DLG2: variants seen among roughly 807,000 people sequenced by gnomAD.
DLG2 encodes the protein disks large homolog 2.
A neutral mutation model predicts 132.5 loss-of-function variants in DLG2; 45 were observed. That is an observed-to-expected ratio of 0.34 (90% CI 0.27 to 0.44). DLG2 has a LOEUF of 0.44. Ranked by LOEUF, DLG2 falls within the 20% of genes least tolerant of loss-of-function variation. The pLI, the probability that DLG2 is intolerant of heterozygous loss-of-function variation, is 1.00. For synonymous variants in DLG2, 424 were observed against 419.6 expected, an observed-to-expected ratio of 1.01 and a Z score of -0.13; for missense variants, 1,045 against 1,196.9, an observed-to-expected ratio of 0.87 and a Z score of 1.87.
chr11:84,391,795 TAAA>T (rs200512404), intron 7 of DLG2, among the ~76,000 whole-genome samples: 3 of 140,904 alleles, frequency 2.1e-5, no homozygotes, highest in African/African-American at 2.6e-5. Flanking sequence ...CTGTTAATGT[TAAA>T]AAAAAAAAAA....
chr11:83,600,699 T>G (rs1387071731), intron 19 of DLG2, among the ~76,000 whole-genome samples: 3 of 152,202 alleles, frequency 2.0e-5, no homozygotes, highest in Non-Finnish European at 4.4e-5. Context: ...GCAATGACTA[T>G]CTCTGAAAAC....
At chr11:83,479,336 C>T (rs113722775) in intron 22 of DLG2, among the ~76,000 whole-genome samples, 2,357 of 151,596 alleles carry the variant, frequency 0.016, 55 homozygotes, top group African/African-American at 0.054. Context: ...GGCCTTCCAC[C>T]TCAAAAAGGC....
intron 11 of DLG2, among the ~76,000 whole-genome samples, chr11:84,003,153 A>G (rs2094433196): frequency 6.6e-6 from 1 of 152,120 alleles, no homozygotes; most frequent in Non-Finnish European, 1.5e-5. Flanking sequence ...CCAGTTCCCA[A>G]TAAGTTCTTC....
At chr11:84,471,085 T>C (rs2099107239) in intron 7 of DLG2, among the ~76,000 whole-genome samples, 1 of 151,696 alleles carries the variant, frequency 6.6e-6, no homozygotes, top group South Asian at 2.1e-4. Flanking sequence ...TCTTGGTCTA[T>C]TTCTCTTCAC....
intron 3 of DLG2, among the ~76,000 whole-genome samples, chr11:85,384,070 T>C (rs946744528): frequency 1.3e-5 from 2 of 152,224 alleles, no homozygotes; most frequent in Non-Finnish European, 2.9e-5. Flanking sequence ...CTAGGATACT[T>C]TTTATTGAAT....
chr11:84,083,178 G>T (rs2096927981), intron 10 of DLG2, among the ~76,000 whole-genome samples: 2 of 152,188 alleles, frequency 1.3e-5, no homozygotes, highest in Non-Finnish European at 1.5e-5. Flanking sequence ...TACTCGGGAG[G>T]CTGAGGCAGG....
chr11:85,465,050 G>A lies in DLG2; in HGVS notation c.40+133607C>T, dbSNP rs567534346. Among the ~76,000 whole-genome samples the A allele has an allele frequency of 1.9e-5, 2 of 106,438 alleles. 1 individual carries two copies. Among genetic ancestry groups the A allele is most frequent in the South Asian group, 6.8e-4 (2 of 2,946 alleles). The allele number at this position is 106,438 out of a possible 152,430, so 69.8% of individuals were successfully genotyped here. On this transcript the variant is annotated intron_variant, in intron 3 of 27. Transcript: ENST00000376104. ...GATTGTGCCACTGTACTCCAGCACG[G>A]GCAACAGTGCAGAACTCTGCCTCAA...
At chr11:85,072,440 C>T (rs2065995085) in intron 6 of DLG2, among the ~76,000 whole-genome samples, 1 of 151,836 alleles carries the variant, frequency 6.6e-6, no homozygotes, top group African/African-American at 2.4e-5. Flanking sequence ...AACAAACATT[C>T]TAGGTGATCC....
chr11:84,072,788 T>C (rs1236206140), intron 10 of DLG2, among the ~76,000 whole-genome samples: 1 of 152,152 alleles, frequency 6.6e-6, no homozygotes, highest in Non-Finnish European at 1.5e-5. Context: ...CTTGATTAGA[T>C]TTGGTAGGTG....
chr11:84,945,625 G>A (rs1339651462), intron 6 of DLG2, among the ~76,000 whole-genome samples: 2 of 152,166 alleles, frequency 1.3e-5, no homozygotes, highest in Non-Finnish European at 1.5e-5. Flanking sequence ...AATCCAGCTA[G>A]GCTTATGGCC....
intron 7 of DLG2, among the ~76,000 whole-genome samples, chr11:84,436,794 A>G (rs1378131544): frequency 6.6e-6 from 1 of 152,204 alleles, no homozygotes; most frequent in Non-Finnish European, 1.5e-5. Context: ...ATGCAAATCT[A>G]TTCTTTAAAT....
intron 6 of DLG2, among the ~76,000 whole-genome samples, chr11:84,855,793 CA>C (rs1254820224): frequency 6.6e-6 from 1 of 151,978 alleles, no homozygotes; most frequent in Non-Finnish European, 1.5e-5. Context: ...AAAGAAATGA[CA>C]AAATTCTGAA....
intron 6 of DLG2, among the ~76,000 whole-genome samples, chr11:84,855,761 T>C (rs1241929228): frequency 6.6e-6 from 1 of 152,042 alleles, no homozygotes; most frequent in Non-Finnish European, 1.5e-5. Flanking sequence ...TCTGAATAAA[T>C]TTTCCTTTCA....
Position 84,251,301 on chromosome 11 carries a change from G to A in DLG2, c.520-10C>T. 2.6e-6 allele frequency: 4 copies of A among 1,562,372 alleles called. No homozygotes were observed. Among genetic ancestry groups the A allele is most frequent in the African/African-American group, 1.4e-5 (1 of 71,808 alleles). ...TAGGAGCAGGACTGGCCTGAAAAAAGAAATAGAAAAAAAATTAAATAATGA... is the reference window on the plus strand; with the variant it reads ...TAGGAGCAGGACTGGCCTGAAAAAAAAAATAGAAAAAAAATTAAATAATGA... On this transcript the variant is annotated splice_polypyrimidine_tract_variant and intron_variant, in intron 7 of 27. Coordinates refer to ENST00000376104, the MANE Select transcript of DLG2 (RefSeq NM_001142699.3).
chr11:83,976,339 G>A (rs1458834691), intron 12 of DLG2, among the ~76,000 whole-genome samples: 1 of 151,900 alleles, frequency 6.6e-6, no homozygotes, highest in Non-Finnish European at 1.5e-5. Flanking sequence ...AGTGTCAGAA[G>A]GAAGTGGTGC....
intron 16 of DLG2, among the ~76,000 whole-genome samples, chr11:83,860,831 G>A (rs918435777): frequency 1.3e-5 from 2 of 152,188 alleles, no homozygotes; most frequent in South Asian, 2.1e-4. Context: ...ATTGAATCAT[G>A]TGGGTGGGTC....
chr11:85,607,536 C>T (rs574949122), intron 2 of DLG2, among the ~76,000 whole-genome samples: 2 of 152,318 alleles, frequency 1.3e-5, no homozygotes, highest in African/African-American at 4.8e-5. Flanking sequence ...TTATAAAAAC[C>T]ACTCGCTCTC....
At chr11:83,942,127 G>T (rs115514647) in intron 14 of DLG2, among the ~76,000 whole-genome samples, 2,729 of 152,264 alleles carry the variant, frequency 0.018, 89 homozygotes, top group African/African-American at 0.062. Flanking sequence ...ATGTTCATTA[G>T]TGCTGAATAT....
At chr11:84,325,626 T>C (rs1355273341) in intron 7 of DLG2, among the ~76,000 whole-genome samples, 1 of 152,218 alleles carries the variant, frequency 6.6e-6, no homozygotes, top group East Asian at 1.9e-4. Flanking sequence ...TATGATCTTT[T>C]CAATGTGCTG....
Sources: gnomAD v4.1 joint callset for allele counts (sites outside exome capture counted in the v4.1 genomes callset) on GRCh38, gnomAD v4.1.1 for gene constraint, MANE v1.5 for transcripts, NCBI Gene and HGNC (gene_info 2026-07-23, HGNC 2026-07-21) for gene names.